The following MARVELD3 variants were observed in gnomAD, a reference collection of about 807,000 sequenced individuals.
The protein encoded by MARVELD3 is MARVEL domain containing 3.
A neutral mutation model predicts 33.5 loss-of-function variants in MARVELD3; 28 were observed. The observed-to-expected ratio is 0.84, with a 90% CI of 0.62 to 1.15. The LOEUF is 1.15. Among genes scored for constraint, MARVELD3 ranks in the 50% most tolerant of loss-of-function variants. MARVELD3 has a pLI of 0.00. For missense variants in MARVELD3, 582 were observed against 547.6 expected (o/e 1.06, Z -0.63); for synonymous variants, 241 against 230.4 (o/e 1.05, Z -0.42).
Position 71,627,497 on chromosome 16 carries a change from C to A in MARVELD3, c.467+801C>A, listed in dbSNP as rs550462946. Among the ~76,000 whole-genome samples, 47 of 144,598 alleles carry A rather than the reference C, an allele frequency of 3.3e-4. No homozygotes were observed. In the South Asian group the frequency reaches 8.0e-3, roughly 25 times the overall value. 94.9% of individuals were successfully genotyped at this position (144,598 alleles called of 152,430 possible). On this transcript the variant is annotated intron_variant, in intron 1 of 2. Transcript: ENST00000268485. ...CCAGCCTGGGCGACAAAGCGAGACT[C>A]CGTCTCAAAAAAAAAAAAAAAAGTC...
rs2044479259 is a variant in MARVELD3, at chr16:71,626,959, A to G, written c.467+263A>G. 1 of 379,942 alleles carries G rather than the reference A, an allele frequency of 2.6e-6. No homozygotes were observed. Among genetic ancestry groups the G allele is most frequent in the Non-Finnish European group, 4.6e-6 (1 of 216,242 alleles). 23.5% of individuals were successfully genotyped at this position (379,942 alleles called of 1,614,324 possible). A position where few individuals can be genotyped will look rare whatever the true frequency, so the allele number is the denominator to read the frequency against. On this transcript the variant is annotated intron_variant, in intron 1 of 2. Transcript: ENST00000268485. This position sits in a 1 kb window ranked among gnomAD's most constrained non-coding sequence, Gnocchi z 5.3. ...TGGGCTGGAGGACCTGGAGAAGAGA[A>G]AGAGAGGCCCCGGGACCCGAGAGGG...
Position 71,626,494 on chromosome 16 carries a change from C to T in MARVELD3, c.265C>T (p.Pro89Ser), listed in dbSNP as rs1385353369. 3 of 1,549,772 alleles carry T rather than the reference C, an allele frequency of 1.9e-6. No homozygotes were observed. Among genetic ancestry groups the T allele is most frequent in the Non-Finnish European group, 2.6e-6 (3 of 1,146,830 alleles). The change falls in exon 1 of 3, where the codon CCC becomes TCC. Residue 89 changes from proline (P) to serine (S), a missense_variant. Coordinates refer to ENST00000268485, the MANE Select transcript of MARVELD3 (RefSeq NM_052858.6). This position sits in a 1 kb window ranked among gnomAD's most constrained non-coding sequence, Gnocchi z 5.3. Reference protein sequence around the residue: ...RERERDPDRGPRRDTHRDAGP... With the variant: ...RERERDPDRGSRRDTHRDAGP... ...GAGGGAAAGAGACCCGGACCGAGGC[C>T]CCCGCCGGGACACACACAGGGACGC... is the stretch of plus-strand genomic sequence containing the variant.
At chr16:71,640,386 C>T (rs1282262097), downstream of MARVELD3, 6 of 1,613,422 alleles carry the variant, frequency 3.7e-6, no homozygotes, top group Admixed American at 1.7e-5. Context: ...CTCTCTTCTC[C>T]TAGGTGTGGT....
Position 71,634,778 on chromosome 16 carries a change from A to C in MARVELD3, c.1181A>C (p.Lys394Thr), listed in dbSNP as rs748296357. 5.4e-5 allele frequency: 86 copies of C among 1,603,912 alleles called. No homozygotes were observed. Among genetic ancestry groups the C allele is most frequent in the Non-Finnish European group, 7.0e-5 (82 of 1,176,250 alleles). ...CGAAAAGTTAGGAAGCTAAAAGAGA[A>C]GCCAGCAGAAATGTTTGAATTTTAA... ...GYRKVRKLKE[K>T]PAEMFEF Residue 394 changes from lysine (K) to threonine (T), a missense_variant, in exon 3 of 3, where the codon AAG becomes ACG. By Grantham distance (78) the Lys-to-Thr change is moderately conservative. Coordinates refer to ENST00000268485, the MANE Select transcript of MARVELD3 (RefSeq NM_052858.6).
Position 71,635,768 on chromosome 16 carries a change from A to T in MARVELD3, c.*965A>T, listed in dbSNP as rs1204618917. On this transcript the variant is annotated 3_prime_UTR_variant, in exon 3 of 3. Coordinates refer to ENST00000268485, the MANE Select transcript of MARVELD3 (RefSeq NM_052858.6). ...TCCACTTCCTTAATTCTGCAAATGG[A>T]GGGGGTGGGGACTCTTGGGAAACTA... The T allele has an allele frequency of 1.0e-6, 1 of 984,900 alleles. No individual in the cohort carries two copies. Among genetic ancestry groups the T allele is most frequent in the African/African-American group, 1.8e-5 (1 of 57,080 alleles). The allele number at this position is 984,900 out of a possible 1,614,324, so 61.0% of individuals were successfully genotyped here.
At chr16:71,627,394 C>T (rs1390301948) in intron 1 of MARVELD3, among the ~76,000 whole-genome samples, 5 of 151,870 alleles carry the variant, frequency 3.3e-5, no homozygotes, top group African/African-American at 1.2e-4. Flanking sequence ...ATCCCAGCTA[C>T]TTGGGAGGCT....
Position 71,634,572 on chromosome 16 carries a change from C to T in MARVELD3, c.975C>T (p.Phe325=). The T allele has an allele frequency of 1.2e-6, 2 of 1,614,178 alleles. No homozygotes were observed. Among genetic ancestry groups the T allele is most frequent in the Non-Finnish European group, 1.7e-6 (2 of 1,180,032 alleles). ...ACATCCCGGCCTTGTACTTCTACTTCCACTACCTCTCTGCTGCCTATGGCT... is the reference window on the plus strand; with the variant it reads ...ACATCCCGGCCTTGTACTTCTACTTTCACTACCTCTCTGCTGCCTATGGCT... ...GGYIPALYFY[F]HYLSAAYGSP... is the part of the protein sequence containing the mutation. The change falls in exon 3 of 3, where the codon TTC becomes TTT. Residue 325 remains phenylalanine (F), a synonymous_variant. Transcript: ENST00000268485.
intron 1 of MARVELD3, among the ~76,000 whole-genome samples, chr16:71,627,140 C>T (rs1019869111): frequency 7.2e-5 from 11 of 152,220 alleles, no homozygotes; most frequent in Admixed American, 4.6e-4. Context: ...TGTGGCCGGG[C>T]CGCCCACTTG....
chr16:71,640,859 CA>C, downstream of MARVELD3: 11 of 1,614,190 alleles, frequency 6.8e-6, no homozygotes, highest in Non-Finnish European at 9.3e-6. Flanking sequence ...AGCTGGCAGG[CA>C]CCGACGGAGC....
rs2044565358 is a variant in MARVELD3, at chr16:71,634,569, C to T, written c.972C>T (p.Tyr324=). Residue 324 remains tyrosine (Y), a synonymous_variant, in exon 3 of 3, where the codon TAC becomes TAT. Transcript: ENST00000268485. ...GGTACATCCCGGCCTTGTACTTCTA[C>T]TTCCACTACCTCTCTGCTGCCTATG... ...AGGYIPALYF[Y]FHYLSAAYGS... The T allele has an allele frequency of 6.2e-7, 1 of 1,614,196 alleles. No homozygotes were observed. Among genetic ancestry groups the T allele is most frequent in the Non-Finnish European group, 8.5e-7 (1 of 1,180,040 alleles).
chr16:71,640,787 C>T (rs373575019), downstream of MARVELD3: 13 of 1,614,190 alleles, frequency 8.1e-6, no homozygotes, highest in Admixed American at 3.3e-5. Flanking sequence ...TCAATAGCAC[C>T]GACACTTGCA....
downstream of MARVELD3, among the ~76,000 whole-genome samples, chr16:71,637,587 T>C (rs568129231): frequency 6.6e-6 from 1 of 152,322 alleles, no homozygotes; most frequent in East Asian, 1.9e-4. Context: ...TCAACTACTA[T>C]GTCCCTGTGG....
exon 3 of MARVELD3, chr16:71,641,947 GTTCT>G (rs1304766512): frequency 3.9e-5 from 6 of 152,078 alleles, no homozygotes; most frequent in South Asian, 2.1e-4. Context: ...TAAAAATAAA[GTTCT>G]TTTAGTAATT....
chr16:71,640,098 G>A (rs922644472), downstream of MARVELD3, among the ~76,000 whole-genome samples: 2 of 151,786 alleles, frequency 1.3e-5, no homozygotes, highest in Non-Finnish European at 1.5e-5. Flanking sequence ...GTGAAACCCC[G>A]TCTCTACTAA....
chr16:71,634,523 T>G lies in MARVELD3; in HGVS notation c.926T>G (p.Leu309Trp), dbSNP rs1214680364. ...CTGTTGCTGGTGACCGAAGGCTTGT[T>G]GGACATGCTCATCGCGGGGGGGTAC... ...CPLLLVTEGL[L>W]DMLIAGGYIP... The change falls in exon 3 of 3, where the codon TTG becomes TGG. Residue 309 changes from leucine (L) to tryptophan (W), a missense_variant. Physicochemically the swap from Leu to Trp is moderately conservative, Grantham distance 61. Coordinates refer to ENST00000268485, the MANE Select transcript of MARVELD3 (RefSeq NM_052858.6). 46 of 1,614,094 alleles carry G rather than the reference T, an allele frequency of 2.8e-5. No individual in the cohort carries two copies. Among genetic ancestry groups the G allele is most frequent in the Non-Finnish European group, 3.7e-5 (44 of 1,180,040 alleles).
chr16:71,634,562 ACTT>A lies in MARVELD3; in HGVS notation c.968_970del (p.Phe323del). The A allele has an allele frequency of 6.2e-7, 1 of 1,614,030 alleles. No homozygotes were observed. Among genetic ancestry groups the A allele is most frequent in the Non-Finnish European group, 8.5e-7 (1 of 1,180,014 alleles). ...GCGGGGGGGTACATCCCGGCCTTGT[ACTT>A]CTACTTCCACTACCTCTCTGCTGCC... On this transcript the variant is annotated inframe_deletion, in exon 3 of 3. Coordinates refer to ENST00000268485, the MANE Select transcript of MARVELD3 (RefSeq NM_052858.6).
In MARVELD3 at chr16:71,626,615, C is replaced by A. The variant is rs2044474581; in HGVS notation, c.386C>A (p.Pro129His). Reference protein sequence around the residue: ...ARGLTWDAAAPPGPAPWEAPE... With the variant: ...ARGLTWDAAAHPGPAPWEAPE... ...GGACTGACCTGGGACGCAGCCGCGC[C>A]TCCTGGGCCCGCGCCCTGGGAAGCC... The change falls in exon 1 of 3, where the codon CCT (proline) becomes CAT (histidine). Residue 129 changes from proline (P) to histidine (H), a missense_variant. Transcript: ENST00000268485. This position sits in a 1 kb window ranked among gnomAD's most constrained non-coding sequence, Gnocchi z 5.3. 2 of 1,539,900 alleles carry A rather than the reference C, an allele frequency of 1.3e-6. No individual in the cohort carries two copies. Among genetic ancestry groups the A allele is most frequent in the Non-Finnish European group, 1.7e-6 (2 of 1,145,488 alleles).
chr16:71,626,678 G>A lies in MARVELD3; in HGVS notation c.449G>A (p.Gly150Glu). ...PPQPQRKGDP[G>E]RRRPESEPPS... ...CAGCCGCAGAGGAAGGGAGACCCCG[G>A]GCGCCGCAGACCCGAAAGGTGAGAG... The change falls in exon 1 of 3, where the codon GGG becomes GAG. Residue 150 changes from glycine (G) to glutamate (E), a missense_variant. By Grantham distance (98) the Gly-to-Glu change is moderately conservative. Transcript: ENST00000268485. This position sits in a 1 kb window ranked among gnomAD's most constrained non-coding sequence, Gnocchi z 5.3. 1 of 1,509,262 alleles carries A rather than the reference G, an allele frequency of 6.6e-7. No homozygotes were observed. Among genetic ancestry groups the A allele is most frequent in the Non-Finnish European group, 8.8e-7 (1 of 1,133,946 alleles). 93.5% of individuals were successfully genotyped at this position (1,509,262 alleles called of 1,614,324 possible).
intron 2 of MARVELD3, among the ~76,000 whole-genome samples, chr16:71,633,155 G>T (rs2044548845): frequency 6.6e-6 from 1 of 151,806 alleles, no homozygotes; most frequent in African/African-American, 2.4e-5. Context: ...CTGAAGCAAG[G>T]AATTTGAGAC....
Sources: allele counts gnomAD v4.1 joint callset (sites outside exome capture counted in the v4.1 genomes callset), GRCh38; gene constraint gnomAD v4.1.1; non-coding constraint Gnocchi (gnomAD v3.1); transcripts MANE v1.5; gene names NCBI Gene and HGNC (gene_info 2026-07-23, HGNC 2026-07-21).